The following CACNA2D1 variants were observed in gnomAD, a reference collection of about 807,000 sequenced individuals.
The protein encoded by CACNA2D1 is voltage-dependent calcium channel subunit alpha-2/delta-1.
Under a neutral mutation model 171.5 loss-of-function variants are expected in CACNA2D1, and 53 were observed. That is an observed-to-expected ratio of 0.31 (90% CI 0.25 to 0.39). CACNA2D1 has a LOEUF of 0.39. Ranked by LOEUF, CACNA2D1 falls within the 10% of genes least tolerant of loss-of-function variation. The pLI is 1.00. For missense variants in CACNA2D1, 903 were observed against 1,299.8 expected (o/e 0.69, Z 4.69); for synonymous variants, 442 against 443.1 (o/e 1.00, Z 0.03).
At chr7:82,146,922 T>C (rs868604329) in intron 4 of CACNA2D1, among the ~76,000 whole-genome samples, 100 of 128,608 alleles carry the variant, frequency 7.8e-4, no homozygotes, top group Middle Eastern at 5.7e-3. Flanking sequence ...GGGGCAGAGG[T>C]TGCAGTGAGC....
intron 3 of CACNA2D1, among the ~76,000 whole-genome samples, chr7:82,334,621 G>A (rs1445686201): frequency 1.3e-5 from 2 of 151,810 alleles, no homozygotes; most frequent in Non-Finnish European, 2.9e-5. Context: ...TAAAAAGTAA[G>A]CAAACTAAAG....
At chr7:82,111,006 T>G (rs1788312492) in intron 6 of CACNA2D1, among the ~76,000 whole-genome samples, 1 of 152,058 alleles carries the variant, frequency 6.6e-6, no homozygotes, top group South Asian at 2.1e-4. Flanking sequence ...ATATTCCCAT[T>G]ATCTGGAAAA....
chr7:82,177,087 T>TTTGG (rs1563160670), intron 3 of CACNA2D1, among the ~76,000 whole-genome samples: 8 of 41,546 alleles, frequency 1.9e-4, no homozygotes, highest in Non-Finnish European at 3.4e-4. Context: ...TTTTTTTTTT[T>TTTGG]GGCGGGGGTT....
At chr7:82,356,154 C>T (rs1386496247) in intron 1 of CACNA2D1, among the ~76,000 whole-genome samples, 2 of 152,092 alleles carry the variant, frequency 1.3e-5, no homozygotes, top group African/African-American at 4.8e-5. Flanking sequence ...ATTTAATATG[C>T]ATTCTCTCAT....
intron 4 of CACNA2D1, among the ~76,000 whole-genome samples, chr7:82,146,378 ATTTAT>A (rs1156516288): frequency 1.4e-5 from 2 of 146,312 alleles, no homozygotes; most frequent in East Asian, 2.0e-4. Context: ...ACATATACAT[ATTTAT>A]ATTTATATAT....
At chr7:82,442,908 G>A (rs1338295415) in intron 1 of CACNA2D1, among the ~76,000 whole-genome samples, 1 of 152,324 alleles carries the variant, frequency 6.6e-6, no homozygotes, top group East Asian at 1.9e-4. Flanking sequence ...GAGCATCTCC[G>A]AGGCCAAGTG....
At chr7:82,149,809 T>G (rs533681466) in intron 4 of CACNA2D1, among the ~76,000 whole-genome samples, 1 of 141,442 alleles carries the variant, frequency 7.1e-6, no homozygotes, top group Admixed American at 7.1e-5. Context: ...AAAAAAACAT[T>G]AGCTGGGTGT....
intron 1 of CACNA2D1, among the ~76,000 whole-genome samples, chr7:82,412,562 C>A (rs1392100057): frequency 6.6e-6 from 1 of 151,840 alleles, no homozygotes; most frequent in Admixed American, 6.6e-5. Flanking sequence ...GGATTACAGG[C>A]GTGAGCCACT....
chr7:82,219,551 G>C (rs1801529933), intron 3 of CACNA2D1, among the ~76,000 whole-genome samples: 1 of 152,020 alleles, frequency 6.6e-6, no homozygotes, highest in Non-Finnish European at 1.5e-5. Flanking sequence ...AAGAATTGTA[G>C]TCTAATTCTA....
At chr7:81,951,273 C>G (rs1275169725) in intron 38 of CACNA2D1, among the ~76,000 whole-genome samples, 1 of 152,032 alleles carries the variant, frequency 6.6e-6, no homozygotes, top group Non-Finnish European at 1.5e-5. Context: ...TTCCTAGGTT[C>G]TATATTTGAT....
chr7:82,394,029 T>G (rs891705560), intron 1 of CACNA2D1, among the ~76,000 whole-genome samples: 1 of 152,108 alleles, frequency 6.6e-6, no homozygotes, highest in South Asian at 2.1e-4. Context: ...CAAAACTTTA[T>G]TGAGACTGTG....
chr7:81,959,009 A>T (rs1381064073), intron 38 of CACNA2D1, among the ~76,000 whole-genome samples: 1 of 152,030 alleles, frequency 6.6e-6, no homozygotes, highest in Non-Finnish European at 1.5e-5. Flanking sequence ...CATAATTAAC[A>T]TTTACTATGA....
In CACNA2D1 at chr7:81,959,746, C is replaced by T. The variant is rs79216498; in HGVS notation, c.3050G>A (p.Arg1017Gln). 7.4e-6 allele frequency: 12 copies of T among 1,612,592 alleles called. No homozygotes were observed. The East Asian group carries it at 1.1e-4, about 15-fold the overall frequency. ...AGTCTGCTCCGCTTGTATGAGCAGT[C>T]GTGTGTCACATGGACATGTCCCTTT... Reference protein sequence around the residue: ...ESKGTCPCDTRLLIQAEQTSD... With the variant: ...ESKGTCPCDTQLLIQAEQTSD... Residue 1017 changes from arginine (R) to glutamine (Q), a missense_variant, in exon 37 of 39, where the codon CGA (arginine) becomes CAA (glutamine). By Grantham distance (43) the Arg-to-Gln change is conservative. Coordinates refer to ENST00000356860, the MANE Select transcript of CACNA2D1 (RefSeq NM_000722.4).
intron 19 of CACNA2D1, among the ~76,000 whole-genome samples, chr7:81,996,013 A>G (rs1798007182): frequency 6.6e-6 from 1 of 152,200 alleles, no homozygotes; most frequent in African/African-American, 2.4e-5. Context: ...TATCTAATTT[A>G]GTTCAAATAT....
rs565911299 is a variant in CACNA2D1 at position 82,253,932 on chromosome 7, C to T, written c.294+81203G>A. Among the ~76,000 whole-genome samples the T allele has an allele frequency of 3.9e-5, 6 of 151,902 alleles. No individual in the cohort carries two copies. In the South Asian group the frequency reaches 1.2e-3, roughly 32 times the overall value. On this transcript the variant is annotated intron_variant, in intron 3 of 38. Coordinates refer to ENST00000356860, the MANE Select transcript of CACNA2D1 (RefSeq NM_000722.4). Reference sequence around the variant, plus strand: ...AACACTGTTTGATGAATAGCTTTACCCTCCCCTAGATTCTGTGCTTGAGGA... The same window carrying T: ...AACACTGTTTGATGAATAGCTTTACTCTCCCCTAGATTCTGTGCTTGAGGA...
intron 3 of CACNA2D1, among the ~76,000 whole-genome samples, chr7:82,263,303 G>A (rs531253961): frequency 6.6e-6 from 1 of 151,840 alleles, no homozygotes; most frequent in South Asian, 2.1e-4. Flanking sequence ...TAGAGATGGG[G>A]TTTCACCATA....
intron 21 of CACNA2D1, among the ~76,000 whole-genome samples, chr7:81,990,922 T>G (rs1385496632): frequency 6.6e-6 from 1 of 152,194 alleles, no homozygotes; most frequent in African/African-American, 2.4e-5. Context: ...AAGTGAACCC[T>G]ACATATTATT....
intron 6 of CACNA2D1, among the ~76,000 whole-genome samples, chr7:82,099,943 G>A (rs547359481): frequency 1.3e-5 from 2 of 152,288 alleles, no homozygotes; most frequent in African/African-American, 4.8e-5. Context: ...CAGGGGGTAG[G>A]AGAAGGGAGA....
At chr7:82,015,947 T>C (rs1800390177) in intron 12 of CACNA2D1, among the ~76,000 whole-genome samples, 1 of 152,214 alleles carries the variant, frequency 6.6e-6, no homozygotes, top group Non-Finnish European at 1.5e-5. Flanking sequence ...TCATCCAGGT[T>C]TGCCTTAGCT....
Sources: allele counts gnomAD v4.1 joint callset (sites outside exome capture counted in the v4.1 genomes callset), GRCh38; gene constraint gnomAD v4.1.1; transcripts MANE v1.5; gene names NCBI Gene and HGNC (gene_info 2026-07-23, HGNC 2026-07-21).